The following ZNF33A variants were observed in gnomAD, a reference collection of about 807,000 sequenced individuals.
ZNF33A encodes the protein brain my041 protein.
ZNF33A carries 9 observed loss-of-function variants against 15.9 expected under a neutral mutation model. The observed-to-expected ratio is 0.57, with a 90% confidence interval of 0.34 to 0.99. ZNF33A has a LOEUF of 0.99. Among genes scored for constraint, ZNF33A ranks in the 50% least tolerant of loss-of-function variants. The pLI, the probability that ZNF33A is intolerant of heterozygous loss-of-function variation, is 0.02. For synonymous variants in ZNF33A, 294 were observed against 324.2 expected (o/e 0.91, Z 1.00); for missense variants, 843 against 941.6 (o/e 0.90, Z 1.37).
intron 4 of ZNF33A, among the ~76,000 whole-genome samples, chr10:38,031,795 T>G (rs1211833305): frequency 6.6e-6 from 1 of 151,514 alleles, no homozygotes; most frequent in Non-Finnish European, 1.5e-5. Context: ...AAACCCCATC[T>G]CTACTAAAAT....
At chr10:38,047,860 T>C (rs574106041) in intron 4 of ZNF33A, among the ~76,000 whole-genome samples, 1 of 152,122 alleles carries the variant, frequency 6.6e-6, no homozygotes, top group Admixed American at 6.5e-5. Context: ...AAAACTACAC[T>C]AAGCCACATG....
chr10:38,014,189 G>A (rs925506738), intron 2 of ZNF33A, among the ~76,000 whole-genome samples: 11 of 151,720 alleles, frequency 7.3e-5, no homozygotes, highest in African/African-American at 2.2e-4. Context: ...TTACAGGCAC[G>A]CGCCATCACA....
At chr10:38,030,107 G>A (rs1325347167) in intron 4 of ZNF33A, among the ~76,000 whole-genome samples, 2 of 152,192 alleles carry the variant, frequency 1.3e-5, no homozygotes, top group African/African-American at 4.8e-5. Flanking sequence ...GATAATACAA[G>A]TGCTGGTGAG....
downstream of ZNF33A, among the ~76,000 whole-genome samples, chr10:38,061,088 C>T (rs578258806): frequency 6.6e-6 from 1 of 152,230 alleles, no homozygotes; most frequent in African/African-American, 2.4e-5. Flanking sequence ...CTGGCTGGAG[C>T]TCTCTGATTA....
At chr10:38,024,163 CAAAAAAAAAAA>C (rs71007682) in intron 4 of ZNF33A, among the ~76,000 whole-genome samples, 3 of 93,218 alleles carry the variant, frequency 3.2e-5, no homozygotes, top group African/African-American at 1.2e-4. Context: ...AAAAACAAAA[CAAAAAAAAAAA>C]AAAAAAAGAA....
intron 4 of ZNF33A, among the ~76,000 whole-genome samples, chr10:38,031,007 A>C (rs1041432868): frequency 8.5e-5 from 13 of 152,154 alleles, no homozygotes; most frequent in Admixed American, 3.3e-4. Context: ...TGTAGTTACC[A>C]TGTGTGGCAT....
intron 1 of ZNF33A, among the ~76,000 whole-genome samples, chr10:38,011,141 C>T (rs557732983): frequency 2.6e-5 from 4 of 152,354 alleles, no homozygotes; most frequent in East Asian, 1.9e-4. Context: ...CGGGTGCAGT[C>T]GCCCGCCAGA....
intron 4 of ZNF33A, among the ~76,000 whole-genome samples, chr10:38,045,000 G>A (rs1381588273): frequency 6.6e-6 from 1 of 152,198 alleles, no homozygotes; most frequent in African/African-American, 2.4e-5. Context: ...TTTGAGGTCA[G>A]CTAAGTCTGA....
intron 1 of ZNF33A, among the ~76,000 whole-genome samples, chr10:38,011,642 G>GT (rs1457139739): frequency 2.6e-5 from 4 of 151,544 alleles, no homozygotes; most frequent in South Asian, 2.1e-4. Flanking sequence ...GATTTTTTTT[G>GT]TTTTTTTGTT....
intron 2 of ZNF33A, among the ~76,000 whole-genome samples, chr10:38,013,196 T>C (rs142893875): frequency 0.06 from 9,103 of 152,210 alleles, 350 homozygotes; most frequent in Middle Eastern, 0.095. Context: ...CTGAAACTTC[T>C]GCCTCCCGGG....
At chr10:38,022,119 G>A (rs114269210) in intron 4 of ZNF33A, among the ~76,000 whole-genome samples, 3,105 of 152,138 alleles carry the variant, frequency 0.02, 104 homozygotes, top group African/African-American at 0.07. Flanking sequence ...TAAGTAGAAG[G>A]ACGAAAATAA....
chr10:38,010,765 A>C lies in ZNF33A; in HGVS notation c.-63A>C. 6.3e-7 allele frequency: 1 copy of C among 1,598,450 alleles called. No individual in the cohort carries two copies. The stretch of plus-strand genomic sequence containing the variant: ...CTACGCGCTTTTCTATGGCGAATGC[A>C]ACCCGACGAGGGAGTGGGGTAAGCC... On this transcript the variant is annotated 5_prime_UTR_variant, in exon 1 of 5. Transcript: ENST00000432900.
At chr10:38,054,329 A>G in intron 4 of ZNF33A, 46 bp from the exon 5 acceptor site, 2 of 1,469,306 alleles carry the variant, frequency 1.4e-6, no homozygotes, top group South Asian at 1.6e-5. Flanking sequence ...TTCCCTAAGA[A>G]ATGTTTTGGT....
At chr10:38,037,148 CTA>C (rs1330738681) in intron 4 of ZNF33A, among the ~76,000 whole-genome samples, 1 of 152,068 alleles carries the variant, frequency 6.6e-6, no homozygotes, top group African/African-American at 2.4e-5. Context: ...AGGGCTTTAT[CTA>C]TCCCCAGGGC....
intron 4 of ZNF33A, among the ~76,000 whole-genome samples, chr10:38,047,190 C>CAAAAAAAAAAAAAAAA: frequency 1.6e-4 from 10 of 64,052 alleles, no homozygotes; most frequent in Admixed American, 2.2e-4. Context: ...CCACCCCTGC[C>CAAAAAAAAAAAAAAAA]AAAAAAAAAA....
At chr10:38,012,253 GC>G in intron 1 of ZNF33A, 44 bp from the exon 2 acceptor site, 1 of 1,595,120 alleles carries the variant, frequency 6.3e-7, no homozygotes, top group Non-Finnish European at 8.5e-7. Context: ...GAGTTGCCAG[GC>G]AGGCCAAATC....
chr10:38,067,451 C>CT (rs1318178403), downstream of ZNF33A, among the ~76,000 whole-genome samples: 1 of 152,148 alleles, frequency 6.6e-6, no homozygotes, highest in Non-Finnish European at 1.5e-5. Flanking sequence ...CCTTTTGACT[C>CT]GAGTTCAAGA....
intron 4 of ZNF33A, among the ~76,000 whole-genome samples, chr10:38,021,994 G>A (rs916158651): frequency 7.2e-5 from 11 of 152,136 alleles, no homozygotes; most frequent in African/African-American, 2.7e-4. Context: ...CTAAAGCAGT[G>A]CTGATAGAGA....
At chr10:38,043,383 A>G (rs1324091339) in intron 4 of ZNF33A, among the ~76,000 whole-genome samples, 8 of 151,224 alleles carry the variant, frequency 5.3e-5, no homozygotes, top group Non-Finnish European at 8.8e-5. Flanking sequence ...GCATTAGGAG[A>G]TATACCTAAT....
Sources: gnomAD v4.1 joint callset for allele counts (sites outside exome capture counted in the v4.1 genomes callset) on GRCh38, gnomAD v4.1.1 for gene constraint, MANE v1.5 for transcripts, NCBI Gene and HGNC (gene_info 2026-07-23, HGNC 2026-07-21) for gene names.